The following HIVEP3 variants were observed in gnomAD, a reference collection of about 807,000 sequenced individuals.
The protein encoded by HIVEP3 is HIVEP zinc finger 3.
Under a neutral mutation model 152.8 loss-of-function variants are expected in HIVEP3, and 49 were observed. The ratio of observed to expected loss-of-function variants is 0.32; its 90% CI spans 0.26 to 0.41. The LOEUF (loss-of-function observed/expected upper bound fraction) is 0.41. Ranked by LOEUF, HIVEP3 falls within the 10% of genes least tolerant of loss-of-function variation. The pLI is 1.00. For synonymous variants in HIVEP3, 1,269 were observed against 1,289.0 expected (o/e 0.98, Z 0.33); for missense variants, 2,790 against 3,103.3 (o/e 0.90, Z 2.40).
At position 41,718,708 on chromosome 1, in the gene HIVEP3, C is replaced by T. The variant is rs902202375; in HGVS notation, c.-800-17713G>A. On this transcript the variant is annotated intron_variant, in intron 1 of 8. Transcript: ENST00000372583. ...GCACGAGTCCATTGCCCTCCTCTCTCCATCTCTCCTGTCTTCCCATTCCCT... is the reference window on the plus strand; with the variant it reads ...GCACGAGTCCATTGCCCTCCTCTCTTCATCTCTCCTGTCTTCCCATTCCCT... Among the ~76,000 whole-genome samples the T allele has an allele frequency of 3.7e-4, 56 of 152,152 alleles. 1 individual carries two copies. The highest frequency in any genetic ancestry group is 4.4e-5 in the Non-Finnish European group (3 of 68,028).
intron 2 of HIVEP3, among the ~76,000 whole-genome samples, chr1:41,665,601 G>A (rs1284323388): frequency 6.7e-6 from 1 of 150,100 alleles, no homozygotes; most frequent in East Asian, 1.9e-4. Flanking sequence ...GGGCATACAA[G>A]ATGGAAAGAT....
chr1:41,565,139 G>C (rs1644140874), intron 5 of HIVEP3, among the ~76,000 whole-genome samples: 1 of 152,224 alleles, frequency 6.6e-6, no homozygotes, highest in Non-Finnish European at 1.5e-5. Flanking sequence ...ATTATACACA[G>C]TGAAAACAGG....
intron 5 of HIVEP3, among the ~76,000 whole-genome samples, chr1:41,553,675 G>C (rs1232816405): frequency 2.6e-5 from 4 of 152,196 alleles, no homozygotes; most frequent in African/African-American, 9.7e-5. Context: ...TCCTTCAGGA[G>C]CTCTTGTAAG....
At chr1:41,906,966 T>C (rs976021729) in intron 1 of HIVEP3, among the ~76,000 whole-genome samples, 1 of 151,566 alleles carries the variant, frequency 6.6e-6, no homozygotes, top group African/African-American at 2.4e-5. Flanking sequence ...CCATTACAAA[T>C]TAGTGGAAAT....
At chr1:42,018,809 T>A (rs1645537928) in intron 1 of HIVEP3, among the ~76,000 whole-genome samples, 1 of 152,032 alleles carries the variant, frequency 6.6e-6, no homozygotes, top group Non-Finnish European at 1.5e-5. Context: ...CTCCCATATA[T>A]TTACCTTCCC....
chr1:41,632,130 G>A (rs1384092650), intron 2 of HIVEP3, among the ~76,000 whole-genome samples: 1 of 152,122 alleles, frequency 6.6e-6, no homozygotes, highest in African/African-American at 2.4e-5. Context: ...ACGGCTTAAA[G>A]CCCTTCTAGA....
At chr1:41,865,469 TCA>T (rs1166966245) in intron 1 of HIVEP3, 1 of 152,280 alleles carries the variant, frequency 6.6e-6, no homozygotes, top group Non-Finnish European at 1.5e-5. Context: ...TGGGGAGCTG[TCA>T]CATCCCACAC....
In HIVEP3 at chr1:41,513,663, G is replaced by A. The variant is rs552907406; in HGVS notation, c.5558C>T (p.Ser1853Leu). The change falls in exon 8 of 9, where the codon TCG (serine) becomes TTG (leucine). Residue 1853 changes from serine to leucine, a missense_variant. Transcript: ENST00000372583. The stretch of plus-strand genomic sequence containing the variant: ...TTCGTCCAGGTCTGAGTCTGAGTCC[G>A]AGTCCTCCAGGTCCGAAAACTGGTG... ...EEHQFSDLED[S>L]DSDSDLDEDE... The A allele has an allele frequency of 9.9e-6, 16 of 1,613,236 alleles. No individual in the cohort carries two copies. The African/African-American group carries it at 1.7e-4, about 17-fold the overall frequency.
intron 1 of HIVEP3, among the ~76,000 whole-genome samples, chr1:41,756,904 C>A (rs1426875402): frequency 2.0e-5 from 3 of 151,956 alleles, no homozygotes; most frequent in Non-Finnish European, 4.4e-5. Flanking sequence ...AAATAATATA[C>A]ACACACATTT....
chr1:41,638,930 G>C (rs956688302), intron 2 of HIVEP3, among the ~76,000 whole-genome samples: 1 of 152,216 alleles, frequency 6.6e-6, no homozygotes, highest in Admixed American at 6.5e-5. Flanking sequence ...AGGGAGGCAG[G>C]GGGGCTTTGG....
At chr1:41,784,838 T>C (rs1367906639) in intron 1 of HIVEP3, among the ~76,000 whole-genome samples, 1 of 152,236 alleles carries the variant, frequency 6.6e-6, no homozygotes, top group Non-Finnish European at 1.5e-5. Context: ...CTGGTGAGAA[T>C]GTAAGTTTTT....
intron 1 of HIVEP3, among the ~76,000 whole-genome samples, chr1:41,997,337 C>T (rs1645401561): frequency 6.6e-6 from 1 of 152,172 alleles, no homozygotes; most frequent in South Asian, 2.1e-4. Flanking sequence ...GTGGCTGCTC[C>T]ACATTGGCTA....
chr1:41,529,653 C>G (rs2149060935), intron 5 of HIVEP3, among the ~76,000 whole-genome samples: 1 of 145,710 alleles, frequency 6.9e-6, no homozygotes, highest in East Asian at 2.0e-4. Context: ...ACCCCACACT[C>G]ACGCCCCTAC....
intron 1 of HIVEP3, among the ~76,000 whole-genome samples, chr1:41,775,968 T>C (rs576573737): frequency 5.5e-4 from 84 of 152,360 alleles, no homozygotes; most frequent in African/African-American, 1.9e-3. Context: ...CACAGTTATG[T>C]GCCTCCACAT....
At chr1:41,651,485 T>C (rs1342598059) in intron 2 of HIVEP3, among the ~76,000 whole-genome samples, 1 of 151,740 alleles carries the variant, frequency 6.6e-6, no homozygotes, top group Non-Finnish European at 1.5e-5. Context: ...CCAAGGACTA[T>C]GTGATCCACA....
At chr1:41,888,900 C>T (rs534781016) in intron 1 of HIVEP3, among the ~76,000 whole-genome samples, 18 of 144,530 alleles carry the variant, frequency 1.2e-4, no homozygotes, top group East Asian at 4.3e-4. Flanking sequence ...ACCCCACACA[C>T]GTACACCATA....
chr1:41,663,494 G>C (rs1361943376), intron 2 of HIVEP3, among the ~76,000 whole-genome samples: 3 of 152,172 alleles, frequency 2.0e-5, no homozygotes, highest in African/African-American at 7.2e-5. Flanking sequence ...GTTTCCTCTG[G>C]CTCCAAAGTC....
chr1:41,773,938 A>C (rs1177224991), intron 1 of HIVEP3, among the ~76,000 whole-genome samples: 1 of 152,264 alleles, frequency 6.6e-6, no homozygotes, highest in Non-Finnish European at 1.5e-5. Flanking sequence ...TCAATTAAAG[A>C]CAAAATCAAT....
chr1:41,647,851 C>G (rs1361950755), intron 2 of HIVEP3, among the ~76,000 whole-genome samples: 3 of 152,268 alleles, frequency 2.0e-5, no homozygotes, highest in African/African-American at 7.2e-5. Context: ...GCCAGAAGCC[C>G]ATGGGATGTT....
Sources: gnomAD v4.1 joint callset for allele counts (sites outside exome capture counted in the v4.1 genomes callset) on GRCh38, gnomAD v4.1.1 for gene constraint, MANE v1.5 for transcripts, NCBI Gene and HGNC (gene_info 2026-07-23, HGNC 2026-07-21) for gene names.